Variants in NUBPL observed in about 807,000 individuals in gnomAD.
The protein encoded by NUBPL is NUBP iron-sulfur cluster assembly factor, mitochondrial, also known as iron-sulfur cluster transfer protein NUBPL.
In NUBPL, 31 loss-of-function variants were observed where a neutral mutation model predicts 45.7. The observed-to-expected ratio is 0.68, with a 90% CI of 0.51 to 0.92. The LOEUF is 0.92. Among genes scored for constraint, NUBPL ranks in the 40% least tolerant of loss-of-function variants. The pLI, the probability that NUBPL is intolerant of heterozygous loss-of-function variation, is 0.00. For synonymous variants in NUBPL, 144 were observed against 140.9 expected (o/e 1.02, Z -0.15); for missense variants, 401 against 398.7 (o/e 1.01, Z -0.05).
chr14:31,842,041 C>G (rs2040384250), intron 8 of NUBPL, among the ~76,000 whole-genome samples: 1 of 147,554 alleles, frequency 6.8e-6, no homozygotes, highest in African/African-American at 2.5e-5. Context: ...CGCCATTCTC[C>G]TGCCTCAGCC....
intron 6 of NUBPL, among the ~76,000 whole-genome samples, chr14:31,677,702 A>G (rs1385523258): frequency 7.9e-5 from 12 of 152,212 alleles, no homozygotes; most frequent in Non-Finnish European, 1.8e-4. Flanking sequence ...AGCTGGGGAT[A>G]GGGTGACACA....
chr14:31,716,503 T>C (rs903995813), intron 6 of NUBPL, among the ~76,000 whole-genome samples: 2 of 152,174 alleles, frequency 1.3e-5, no homozygotes, highest in African/African-American at 4.8e-5. Context: ...CACTAGGCAA[T>C]AGGAATTTTT....
intron 7 of NUBPL, among the ~76,000 whole-genome samples, chr14:31,814,658 T>G (rs1349492165): frequency 6.6e-6 from 1 of 152,230 alleles, no homozygotes; most frequent in Non-Finnish European, 1.5e-5. Flanking sequence ...TCTAGGGTTT[T>G]CATGGTTTTA....
intron 6 of NUBPL, among the ~76,000 whole-genome samples, chr14:31,734,906 G>A (rs1180599946): frequency 6.6e-6 from 1 of 152,198 alleles, no homozygotes; most frequent in Non-Finnish European, 1.5e-5. Flanking sequence ...TAACCAAGAA[G>A]ACAAGTCAGT....
At chr14:31,759,074 A>AG (rs2038739578) in intron 6 of NUBPL, among the ~76,000 whole-genome samples, 1 of 152,168 alleles carries the variant, frequency 6.6e-6, no homozygotes. Context: ...GACTTTAAAA[A>AG]AAACAAAAAA....
intron 6 of NUBPL, among the ~76,000 whole-genome samples, chr14:31,723,866 A>G (rs925448110): frequency 2.0e-5 from 3 of 152,116 alleles, no homozygotes; most frequent in Non-Finnish European, 4.4e-5. Flanking sequence ...GGTTTTCTAG[A>G]TGTAGAATCA....
intron 3 of NUBPL, among the ~76,000 whole-genome samples, chr14:31,581,904 A>T (rs551589195): frequency 6.6e-6 from 1 of 152,370 alleles, no homozygotes; most frequent in East Asian, 1.9e-4. Flanking sequence ...AAAGGAATAC[A>T]TATATTCTAA....
chr14:31,844,618 T>A (rs1054696826), intron 8 of NUBPL: 12 of 150,026 alleles, frequency 8.0e-5, no homozygotes, highest in African/African-American at 2.9e-4. Flanking sequence ...CTTTAGTTTT[T>A]TCTATTTCTC....
At chr14:31,607,216 A>G (rs112847524) in intron 4 of NUBPL, among the ~76,000 whole-genome samples, 248 of 152,114 alleles carry the variant, frequency 1.6e-3, no homozygotes, top group African/African-American at 5.6e-3. Context: ...CCCCATCTCT[A>G]CTAAAATACA....
At chr14:31,621,800 T>C (rs933421924) in intron 4 of NUBPL, among the ~76,000 whole-genome samples, 16 of 152,212 alleles carry the variant, frequency 1.1e-4, no homozygotes, top group Non-Finnish European at 1.0e-4. Context: ...GGTAGTTCTT[T>C]ATAGACGTGT....
intron 4 of NUBPL, among the ~76,000 whole-genome samples, chr14:31,621,137 G>A (rs907570687): frequency 6.6e-6 from 1 of 152,116 alleles, no homozygotes; most frequent in East Asian, 1.9e-4. Context: ...CTCCCCCTAC[G>A]AAGGTCGAGC....
chr14:31,813,357 T>G (rs1465461443), intron 7 of NUBPL, among the ~76,000 whole-genome samples: 1 of 151,994 alleles, frequency 6.6e-6, no homozygotes, highest in Non-Finnish European at 1.5e-5. Flanking sequence ...TTCACTCCAT[T>G]ATACTGAAGA....
chr14:31,706,202 G>A lies in NUBPL; in HGVS notation c.513+32628G>A, dbSNP rs147468142. Among the ~76,000 whole-genome samples the A allele has an allele frequency of 2.2e-3, 329 of 152,304 alleles. 3 individuals are homozygous for A. Among genetic ancestry groups the A allele is most frequent in the African/African-American group, 7.5e-3 (312 of 41,588 alleles). ...AACTGCTGTTGGGAATTTGGCCGAT[G>A]ACCACTCTAGCTACTTCCTGCTGGA... On this transcript the variant is annotated intron_variant, in intron 6 of 10. Coordinates refer to ENST00000281081, the MANE Select transcript of NUBPL (RefSeq NM_025152.3).
At position 31,673,400 on chromosome 14, in the gene NUBPL, CATAT is replaced by C; in HGVS notation, c.422+13_422+16del. On this transcript the variant is annotated splice_region_variant and intron_variant, in intron 5 of 10. Transcript: ENST00000281081. The stretch of plus-strand genomic sequence containing the variant: ...TTGAATTATGGTATTGCTTGGTGAG[CATAT>C]ATATATTTTTAATGTTACTTTTCAG... The C allele has an allele frequency of 1.2e-6, 2 of 1,607,006 alleles. No homozygotes were observed. The highest frequency in any genetic ancestry group is 1.7e-6 in the Non-Finnish European group (2 of 1,175,372).
Position 31,729,949 on chromosome 14 carries a change from C to T in NUBPL, c.513+56375C>T, listed in dbSNP as rs1001621555. On this transcript the variant is annotated intron_variant, in intron 6 of 10. Coordinates refer to ENST00000281081, the MANE Select transcript of NUBPL (RefSeq NM_025152.3). ...ATATGATATTGATGGCAGTGTTTCTCCTCTTTCACTATTAAGAGTGATGTA... is the reference window on the plus strand; with the variant it reads ...ATATGATATTGATGGCAGTGTTTCTTCTCTTTCACTATTAAGAGTGATGTA... Among the ~76,000 whole-genome samples, 6 of 152,128 alleles carry T rather than the reference C, an allele frequency of 3.9e-5. No homozygotes were observed. In the South Asian group the frequency reaches 8.3e-4, roughly 21 times the overall value.
chr14:31,658,100 T>C (rs1343958731), intron 4 of NUBPL, among the ~76,000 whole-genome samples: 1 of 152,214 alleles, frequency 6.6e-6, no homozygotes, highest in Non-Finnish European at 1.5e-5. Flanking sequence ...AGAACACTGT[T>C]AAATCATTCC....
At chr14:31,662,292 T>C (rs1262158563) in intron 4 of NUBPL, 1 of 54,734 alleles carries the variant, frequency 1.8e-5, no homozygotes, top group Non-Finnish European at 7.9e-5. Flanking sequence ...TATTTTATTT[T>C]ATTTTACTTT....
At chr14:31,712,080 G>GCGAA (rs907499700) in intron 6 of NUBPL, among the ~76,000 whole-genome samples, 3 of 152,230 alleles carry the variant, frequency 2.0e-5, no homozygotes, top group Non-Finnish European at 1.5e-5. Flanking sequence ...GGGACCCGGA[G>GCGAA]CGGGTTGCTG....
chr14:31,674,575 C>T (rs1223368318), intron 6 of NUBPL, among the ~76,000 whole-genome samples: 1 of 152,146 alleles, frequency 6.6e-6, no homozygotes, highest in Non-Finnish European at 1.5e-5. Context: ...CCACCAATTC[C>T]TTTGTGACCT....
Sources: allele counts gnomAD v4.1 joint callset (sites outside exome capture counted in the v4.1 genomes callset), GRCh38; gene constraint gnomAD v4.1.1; transcripts MANE v1.5; gene names NCBI Gene and HGNC (gene_info 2026-07-23, HGNC 2026-07-21).